EIF4G3: variants seen among roughly 807,000 people sequenced by gnomAD.
The protein encoded by EIF4G3 is eukaryotic translation initiation factor 4 gamma 3, also known as eIF-4-gamma 3.
In EIF4G3, 34 loss-of-function variants were observed where a neutral mutation model predicts 186.4. The ratio of observed to expected loss-of-function variants is 0.18; its 90% CI spans 0.14 to 0.24. EIF4G3 has a LOEUF of 0.24. Ranked by LOEUF, EIF4G3 falls within the 10% of genes least tolerant of loss-of-function variation. EIF4G3 has a pLI of 1.00. For synonymous variants in EIF4G3, 673 were observed against 679.5 expected, an observed-to-expected ratio of 0.99 and a Z score of 0.15; for missense variants, 1,536 against 1,948.5, an observed-to-expected ratio of 0.79 and a Z score of 3.99.
At chr1:20,945,900 CT>C (rs2095925818) in intron 13 of EIF4G3, among the ~76,000 whole-genome samples, 1 of 152,152 alleles carries the variant, frequency 6.6e-6, no homozygotes, top group Admixed American at 6.5e-5. Context: ...GGAAAGTCAG[CT>C]TATTAATAAT....
chr1:20,993,135 T>C (rs1395076140), intron 7 of EIF4G3, among the ~76,000 whole-genome samples: 1 of 152,132 alleles, frequency 6.6e-6, no homozygotes, highest in Non-Finnish European at 1.5e-5. Flanking sequence ...CTGAAGAATC[T>C]CCACAAAAGA....
chr1:20,937,294 C>A (rs2095548601), intron 14 of EIF4G3, among the ~76,000 whole-genome samples: 1 of 152,182 alleles, frequency 6.6e-6, no homozygotes, highest in South Asian at 2.1e-4. Flanking sequence ...AGTATCCAAG[C>A]CATACGGTAT....
rs140196601 is a variant in EIF4G3, at chr1:21,115,706, TTTG to T, written c.-271-26496_-271-26494del. ...TAAATGAGACGATTTATTAGAATAATTTGTTGTTGTTGTTGTTGTTGTTTTTAA... is the reference window on the plus strand; with the variant it reads ...TAAATGAGACGATTTATTAGAATAATTTGTTGTTGTTGTTGTTGTTTTTAA... On this transcript the variant is annotated intron_variant, in intron 2 of 36. Coordinates refer to ENST00000602326, the MANE Select transcript of EIF4G3 (RefSeq NM_001391906.1). Among the ~76,000 whole-genome samples the T allele has an allele frequency of 6.3e-4, 96 of 151,994 alleles. 2 individuals are homozygous for T. The South Asian group carries it at 0.015, about 23-fold the overall frequency.
chr1:21,002,701 C>T lies in EIF4G3; in HGVS notation c.30+12G>A. 6.2e-7 allele frequency: 1 copy of T among 1,612,972 alleles called. No homozygotes were observed. The highest frequency in any genetic ancestry group is 8.5e-7 in the Non-Finnish European group (1 of 1,179,522). On this transcript the variant is annotated intron_variant, in intron 5 of 36. Coordinates refer to ENST00000602326, the MANE Select transcript of EIF4G3 (RefSeq NM_001391906.1). ...AGAGAATGTAATTTGGTTCAAGCTT[C>T]TGCTTACTTACCGGAGAACGGGTTT...
At chr1:20,995,656 G>A (rs1292521063) in intron 7 of EIF4G3, among the ~76,000 whole-genome samples, 3 of 152,154 alleles carry the variant, frequency 2.0e-5, no homozygotes, top group Non-Finnish European at 4.4e-5. Flanking sequence ...ACAGGTTTGA[G>A]CAACCGTACC....
At chr1:20,815,654 G>T (rs1266908060) in intron 34 of EIF4G3, among the ~76,000 whole-genome samples, 1 of 149,898 alleles carries the variant, frequency 6.7e-6, no homozygotes, top group East Asian at 2.0e-4. Context: ...GGAGGTGGGG[G>T]GGGGTCAGCC....
At chr1:20,996,714 T>C (rs1171556768) in intron 7 of EIF4G3, among the ~76,000 whole-genome samples, 1 of 152,210 alleles carries the variant, frequency 6.6e-6, no homozygotes, top group Non-Finnish European at 1.5e-5. Context: ...GTCAGATGCT[T>C]ACACTATTTC....
intron 4 of EIF4G3, among the ~76,000 whole-genome samples, chr1:21,011,201 CTT>C (rs138131684): frequency 0.03 from 3,784 of 125,530 alleles, 75 homozygotes; most frequent in Non-Finnish European, 0.041. Flanking sequence ...ACAAATTAAA[CTT>C]TTTTTTAAAA....
At chr1:21,096,800 T>C (rs2101650136) in intron 2 of EIF4G3, among the ~76,000 whole-genome samples, 1 of 152,332 alleles carries the variant, frequency 6.6e-6, no homozygotes, top group East Asian at 1.9e-4. Context: ...AAAGTTTTTA[T>C]GGGTATAACT....
chr1:20,982,078 C>A (rs1284711325), intron 8 of EIF4G3, among the ~76,000 whole-genome samples: 1 of 152,140 alleles, frequency 6.6e-6, no homozygotes, highest in Non-Finnish European at 1.5e-5. Context: ...ACATGCTGAA[C>A]TAAGCAGTTT....
At chr1:21,091,046 C>G (rs1210497561) in intron 2 of EIF4G3, among the ~76,000 whole-genome samples, 1 of 152,164 alleles carries the variant, frequency 6.6e-6, no homozygotes, top group Non-Finnish European at 1.5e-5. Context: ...GGCAGAATTT[C>G]TAAACTATAC....
At chr1:20,948,359 TCTC>T (rs1388995596) in intron 13 of EIF4G3, among the ~76,000 whole-genome samples, 2 of 152,172 alleles carry the variant, frequency 1.3e-5, no homozygotes, top group Non-Finnish European at 2.9e-5. Context: ...ATGCAGGAGT[TCTC>T]CTTTAACTCA....
chr1:20,977,691 G>C (rs1236007464), intron 10 of EIF4G3, among the ~76,000 whole-genome samples: 1 of 151,942 alleles, frequency 6.6e-6, no homozygotes. Flanking sequence ...TAATATCTGA[G>C]ATACAATTAT....
rs1386390075 is a variant in EIF4G3 at position 21,012,476 on chromosome 1, A to C, written c.-66-9668T>G. The stretch of plus-strand genomic sequence containing the variant: ...AAAAACATGTGTATCTGCTTCAAAA[A>C]CACAGGACATCACCAAGATAACAGA... On this transcript the variant is annotated intron_variant, in intron 4 of 36. Transcript: ENST00000602326. Among the ~76,000 whole-genome samples the C allele has an allele frequency of 3.3e-5, 5 of 152,204 alleles. No homozygotes were observed. In the East Asian group the frequency reaches 9.6e-4, roughly 29 times the overall value.
chr1:20,956,958 A>G (rs1330595928), intron 12 of EIF4G3, among the ~76,000 whole-genome samples: 2 of 152,220 alleles, frequency 1.3e-5, no homozygotes, highest in Admixed American at 6.5e-5. Context: ...AGAAACCTTA[A>G]TATGTGATGC....
intron 27 of EIF4G3, among the ~76,000 whole-genome samples, chr1:20,852,403 A>G (rs888694885): frequency 4.6e-5 from 7 of 152,266 alleles, no homozygotes; most frequent in East Asian, 1.9e-4. Flanking sequence ...AACAAATATT[A>G]TAAGAACATG....
chr1:20,893,762 A>G lies in EIF4G3; in HGVS notation c.2134-126T>C, dbSNP rs2086916979. On this transcript the variant is annotated intron_variant, in intron 17 of 36. Coordinates refer to ENST00000602326, the MANE Select transcript of EIF4G3 (RefSeq NM_001391906.1). ...GGTAAGCACCAGCTTTGGAACCCGC[A>G]GAAGTCCAATCTCATCCATGGCAGC... 9.2e-6 allele frequency: 10 copies of G among 1,084,128 alleles called. No individual in the cohort carries two copies. In the East Asian group the frequency reaches 2.7e-4, roughly 30 times the overall value. The allele number at this position is 1,084,128 out of a possible 1,614,324, so 67.2% of individuals were successfully genotyped here. A position where few individuals can be genotyped will look rare whatever the true frequency, so the allele number is the denominator to read the frequency against.
intron 14 of EIF4G3, among the ~76,000 whole-genome samples, chr1:20,938,003 CTT>C (rs200769290): frequency 2.0e-5 from 3 of 148,262 alleles, no homozygotes; most frequent in Non-Finnish European, 4.5e-5. Context: ...CTGATGCTTT[CTT>C]TTTTTTTTTA....
At chr1:21,161,283 C>G (rs183802400) in intron 2 of EIF4G3, among the ~76,000 whole-genome samples, 1 of 152,164 alleles carries the variant, frequency 6.6e-6, no homozygotes, top group African/African-American at 2.4e-5. Context: ...GCGGGTGGAT[C>G]ACCTCAGGTC....
Sources: allele counts gnomAD v4.1 joint callset (sites outside exome capture counted in the v4.1 genomes callset), GRCh38; gene constraint gnomAD v4.1.1; transcripts MANE v1.5; gene names NCBI Gene and HGNC (gene_info 2026-07-23, HGNC 2026-07-21).